Variants in APBB2 observed in about 807,000 individuals in gnomAD.
APBB2 encodes the protein amyloid beta precursor protein binding family B member 2.
Under a neutral mutation model 82.5 loss-of-function variants are expected in APBB2, and 38 were observed. The observed-to-expected ratio is 0.46, with a 90% CI of 0.36 to 0.60. APBB2 has a LOEUF of 0.60. Among genes scored for constraint, APBB2 ranks in the 20% least tolerant of loss-of-function variants. APBB2 has a pLI of 0.00. For missense variants in APBB2, 772 were observed against 972.3 expected (o/e 0.79, Z 2.74); for synonymous variants, 341 against 368.2 (o/e 0.93, Z 0.85).
At chr4:40,856,991 A>C in intron 12 of APBB2, 1 of 985,528 alleles carries the variant, frequency 1.0e-6, no homozygotes, top group Non-Finnish European at 1.2e-6. Flanking sequence ...GCACCTGCAA[A>C]CAAAGGAGAG....
In APBB2 at chr4:40,822,149, C is replaced by T. The variant is rs904606657; in HGVS notation, c.1933-99G>A. Reference sequence around the variant, plus strand: ...TGGCATTCAGAAAGTATAGCCAGGCCGAATTCAGAAAGGACCTGTGTTTTT... The same window carrying T: ...TGGCATTCAGAAAGTATAGCCAGGCTGAATTCAGAAAGGACCTGTGTTTTT... On this transcript the variant is annotated intron_variant, in intron 16 of 17. Coordinates refer to ENST00000508593, the MANE Select transcript of APBB2 (RefSeq NM_004307.2). 4.2e-5 allele frequency: 59 copies of T among 1,409,138 alleles called. No individual in the cohort carries two copies. The African/African-American group carries it at 7.0e-4, about 17-fold the overall frequency. 87.3% of individuals were successfully genotyped at this position (1,409,138 alleles called of 1,614,324 possible).
At chr4:40,873,944 ACT>A (rs1422037788) in intron 12 of APBB2, among the ~76,000 whole-genome samples, 6 of 152,206 alleles carry the variant, frequency 3.9e-5, no homozygotes, top group South Asian at 4.1e-4. Flanking sequence ...TTACAATTGA[ACT>A]CTGTTTATTT....
intron 6 of APBB2, among the ~76,000 whole-genome samples, chr4:41,012,490 C>T (rs1808651966): frequency 6.6e-6 from 1 of 152,128 alleles, no homozygotes; most frequent in African/African-American, 2.4e-5. Flanking sequence ...TCATCTCAAC[C>T]TCCCTACTGC....
intron 6 of APBB2, among the ~76,000 whole-genome samples, chr4:40,952,185 C>CAAAA (rs61159163): frequency 2.7e-5 from 3 of 111,182 alleles, no homozygotes; most frequent in African/African-American, 3.7e-5. Flanking sequence ...GACTCTGTCT[C>CAAAA]AAAAAAAAAA....
At position 40,890,414 on chromosome 4, in the gene APBB2, C is replaced by A. The variant is rs201208654; in HGVS notation, c.1479G>T (p.Ser493=). 7.4e-6 allele frequency: 12 copies of A among 1,613,918 alleles called. No individual in the cohort carries two copies. The African/African-American group carries it at 1.3e-4, about 18-fold the overall frequency. Residue 493 remains serine (S), a synonymous_variant, in exon 12 of 18, where the codon TCG becomes TCT. Coordinates refer to ENST00000508593, the MANE Select transcript of APBB2 (RefSeq NM_004307.2). The part of the protein sequence containing the change: ...VDPMDRSVLH[S]QPIVSIRVWG... ...ACACGCGGATGCTGACGATGGGCTGCGAGTGCAGCACGCTGCGGTCCATGG... is the reference window on the plus strand; with the variant it reads ...ACACGCGGATGCTGACGATGGGCTGAGAGTGCAGCACGCTGCGGTCCATGG...
intron 6 of APBB2, among the ~76,000 whole-genome samples, chr4:40,975,917 T>C (rs12511584): frequency 0.098 from 14,876 of 152,240 alleles, 815 homozygotes; most frequent in Admixed American, 0.15. Context: ...TCATGAATAC[T>C]TTCATTCTCA....
At chr4:40,849,473 A>G (rs905676399) in intron 12 of APBB2, among the ~76,000 whole-genome samples, 2 of 152,220 alleles carry the variant, frequency 1.3e-5, no homozygotes, top group Non-Finnish European at 2.9e-5. Context: ...ATTTCTATCA[A>G]GATTTATCCC....
intron 6 of APBB2, among the ~76,000 whole-genome samples, chr4:40,980,181 CCTGG>C (rs560088791): frequency 1.8e-3 from 269 of 152,238 alleles, no homozygotes; most frequent in African/African-American, 5.3e-3. Flanking sequence ...CGCTGCCACG[CCTGG>C]CTGACTTTCT....
intron 5 of APBB2, among the ~76,000 whole-genome samples, chr4:41,018,293 T>C (rs1810561152): frequency 6.6e-6 from 1 of 152,234 alleles, no homozygotes; most frequent in South Asian, 2.1e-4. Context: ...CTACCTGCTA[T>C]GTGCTTTCAG....
chr4:40,921,037 C>T (rs1781129732), intron 10 of APBB2, among the ~76,000 whole-genome samples: 1 of 152,176 alleles, frequency 6.6e-6, no homozygotes, highest in Non-Finnish European at 1.5e-5. Flanking sequence ...ACCCTCTGTG[C>T]CTCGGCTCCC....
intron 10 of APBB2, among the ~76,000 whole-genome samples, chr4:40,932,366 A>G (rs1344764340): frequency 6.6e-6 from 1 of 152,252 alleles, no homozygotes; most frequent in Non-Finnish European, 1.5e-5. Context: ...CACTGGCTCT[A>G]GAGTGGCCAT....
At chr4:41,021,089 T>C (rs1811360036) in intron 5 of APBB2, among the ~76,000 whole-genome samples, 2 of 152,338 alleles carry the variant, frequency 1.3e-5, no homozygotes, top group Admixed American at 6.5e-5. Context: ...TTAATCTCCT[T>C]GTCAAATTTG....
intron 4 of APBB2, among the ~76,000 whole-genome samples, chr4:41,048,351 G>A (rs73809458): frequency 1.3e-5 from 2 of 152,008 alleles, no homozygotes; most frequent in Admixed American, 6.5e-5. Flanking sequence ...ACTTCTGGTC[G>A]CAAACATCTT....
intron 13 of APBB2, among the ~76,000 whole-genome samples, chr4:40,829,260 T>C (rs556888414): frequency 1.1e-4 from 17 of 152,180 alleles, no homozygotes; most frequent in Non-Finnish European, 2.1e-4. Context: ...TGCTCTCTGC[T>C]CACTTTTGGA....
At chr4:40,836,667 G>A (rs1442311599) in intron 12 of APBB2, among the ~76,000 whole-genome samples, 1 of 152,184 alleles carries the variant, frequency 6.6e-6, no homozygotes, top group Non-Finnish European at 1.5e-5. Context: ...AAAGGGGGTT[G>A]AGGGAAAGGG....
intron 1 of APBB2, among the ~76,000 whole-genome samples, chr4:41,147,721 T>G (rs1408044578): frequency 6.6e-6 from 1 of 152,074 alleles, no homozygotes; most frequent in African/African-American, 2.4e-5. Context: ...ACTCCTGACC[T>G]CAGGTGATCC....
intron 6 of APBB2, among the ~76,000 whole-genome samples, chr4:40,956,877 A>C (rs1791766585): frequency 1.3e-5 from 2 of 152,196 alleles, no homozygotes; most frequent in Admixed American, 6.5e-5. Flanking sequence ...AAATCAACAC[A>C]AAAGTTTCTT....
At chr4:40,901,520 T>G (rs865850991) in intron 10 of APBB2, among the ~76,000 whole-genome samples, 1 of 151,530 alleles carries the variant, frequency 6.6e-6, no homozygotes, top group Non-Finnish European at 1.5e-5. Flanking sequence ...TGTTGTTGTT[T>G]TTTGTTTTTG....
At chr4:41,134,395 T>C (rs12504535) in intron 2 of APBB2, among the ~76,000 whole-genome samples, 37,739 of 151,782 alleles carry the variant, frequency 0.25, 4,768 homozygotes, top group African/African-American at 0.28. Flanking sequence ...CTGGCTAACA[T>C]GGTGAAACCC....
Sources: gnomAD v4.1 joint callset for allele counts (sites outside exome capture counted in the v4.1 genomes callset) on GRCh38, gnomAD v4.1.1 for gene constraint, MANE v1.5 for transcripts, NCBI Gene and HGNC (gene_info 2026-07-23, HGNC 2026-07-21) for gene names.